The following GABRG1 variants were observed in gnomAD, a reference collection of about 807,000 sequenced individuals.
The protein encoded by GABRG1 is gamma-aminobutyric acid receptor subunit gamma-1.
A neutral mutation model predicts 49.8 loss-of-function variants in GABRG1; 49 were observed. The observed-to-expected ratio is 0.98, with a 90% confidence interval of 0.78 to 1.25. The LOEUF is 1.25. GABRG1 is among the 50% of genes most tolerant of loss of function. The probability of loss-of-function intolerance (pLI) is 0.00; values close to 1 mark genes in which losing one functional copy is unlikely to be tolerated. For synonymous variants in GABRG1, 232 were observed against 185.1 expected (o/e 1.25, Z -2.06); for missense variants, 552 against 552.3 (o/e 1.00, Z 0.01).
Position 46,056,132 on chromosome 4 carries a change from A to T in GABRG1, c.916+2085T>A, listed in dbSNP as rs1221361713. Among the ~76,000 whole-genome samples, 4 of 30,394 alleles carry T rather than the reference A, an allele frequency of 1.3e-4. 2 individuals are homozygous for T. The highest frequency in any genetic ancestry group is 2.3e-4 in the Non-Finnish European group (4 of 17,512). 19.9% of individuals were successfully genotyped at this position (30,394 alleles called of 152,430 possible). A position where few individuals can be genotyped will look rare whatever the true frequency, so the allele number is the denominator to read the frequency against. ...AAAAAAAAAAAAGAAAGGAAAAAAAAAAAAATAAATAAATAAATTAAAAAA... is the reference window on the plus strand; with the variant it reads ...AAAAAAAAAAAAGAAAGGAAAAAAATAAAAATAAATAAATAAATTAAAAAA... On this transcript the variant is annotated intron_variant, in intron 7 of 8. Transcript: ENST00000295452.
chr4:46,067,687 A>G (rs1245750230), intron 3 of GABRG1, among the ~76,000 whole-genome samples: 1 of 152,140 alleles, frequency 6.6e-6, no homozygotes, highest in Non-Finnish European at 1.5e-5. Context: ...GTACTTTTGC[A>G]ACCATGTAAG....
chr4:46,071,429 T>C (rs1719117399), intron 3 of GABRG1, among the ~76,000 whole-genome samples: 1 of 148,670 alleles, frequency 6.7e-6, no homozygotes, highest in Non-Finnish European at 1.5e-5. Context: ...ACATATGTTA[T>C]ATATATAATA....
At chr4:46,106,297 C>A (rs1318359883) in intron 1 of GABRG1, among the ~76,000 whole-genome samples, 1 of 151,318 alleles carries the variant, frequency 6.6e-6, no homozygotes, top group Admixed American at 6.6e-5. Flanking sequence ...CTGCCCCATC[C>A]CCAGCTTTCC....
rs1005752345 is a variant in GABRG1, at chr4:46,051,605, C to T, written c.950G>A (p.Ser317Asn). 1 of 1,610,588 alleles carries T rather than the reference C, an allele frequency of 6.2e-7. No individual in the cohort carries two copies. Among genetic ancestry groups the T allele is most frequent in the Admixed American group, 1.7e-5 (1 of 59,724 alleles). Reference sequence around the variant, plus strand: ...AGGTAAAGACTTCCTGGCAATTGTACTCAGGGTTGTCATAGTCAGAACTGT... The same window carrying T: ...AGGTAAAGACTTCCTGGCAATTGTATTCAGGGTTGTCATAGTCAGAACTGT... Reference protein sequence around the residue: ...ITTVLTMTTLSTIARKSLPKV... With the variant: ...ITTVLTMTTLNTIARKSLPKV... Residue 317 changes from serine (S) to asparagine (N), a missense_variant, in exon 8 of 9, where the codon AGT (serine) becomes AAT (asparagine). Ser to Asn is a conservative substitution (Grantham distance 46). Transcript: ENST00000295452.
chr4:46,050,081 T>C (rs1718157761), intron 8 of GABRG1, among the ~76,000 whole-genome samples: 1 of 151,876 alleles, frequency 6.6e-6, no homozygotes, highest in Non-Finnish European at 1.5e-5. Context: ...ATGGCTTTGA[T>C]GAAAGGAAAA....
At position 46,124,020 on chromosome 4, in the gene GABRG1, G is replaced by C. The variant is rs1721178249; in HGVS notation, c.-107C>G. ...GAGTACAGAAGGGAGAGTGTGGAAA[G>C]GCAGTGCACCTCCCAAACAGGTAGG... On this transcript the variant is annotated 5_prime_UTR_variant, in exon 1 of 9. Transcript: ENST00000295452. The C allele has an allele frequency of 1.3e-6, 1 of 784,636 alleles. No individual in the cohort carries two copies. The highest frequency in any genetic ancestry group is 1.7e-5 in the African/African-American group (1 of 58,284). The allele number at this position is 784,636 out of a possible 1,614,324, so 48.6% of individuals were successfully genotyped here.
chr4:46,045,721 A>C (rs1717969115), intron 8 of GABRG1, among the ~76,000 whole-genome samples: 2 of 151,704 alleles, frequency 1.3e-5, no homozygotes, highest in Non-Finnish European at 2.9e-5. Flanking sequence ...AAAATTAACC[A>C]AGTGCCTGAC....
chr4:46,097,198 T>C lies in GABRG1; in HGVS notation c.253+3A>G. 6.3e-7 allele frequency: 1 copy of C among 1,599,254 alleles called. No individual in the cohort carries two copies. The highest frequency in any genetic ancestry group is 1.1e-5 in the South Asian group (1 of 88,920). ...AAATCCCAGAATGGTAACTCAAGCT[T>C]ACCTCCTATATCTGGACGAAGTTTA... is the stretch of plus-strand genomic sequence containing the variant. On this transcript the variant is annotated splice_donor_region_variant and intron_variant, in intron 2 of 8. Transcript: ENST00000295452.
chr4:46,090,640 C>T (rs967241503), intron 2 of GABRG1, among the ~76,000 whole-genome samples: 4 of 151,846 alleles, frequency 2.6e-5, no homozygotes, highest in Non-Finnish European at 5.9e-5. Flanking sequence ...AAATATCCAA[C>T]CCAATAAAGA....
rs764771110 is a variant in GABRG1 at position 46,051,424 on chromosome 4, C to G, written c.1131G>C (p.Ser377=). 1 of 1,595,378 alleles carries G rather than the reference C, an allele frequency of 6.3e-7. No individual in the cohort carries two copies. The highest frequency in any genetic ancestry group is 1.7e-5 in the Admixed American group (1 of 57,600). ...ATAGAAATTTTTCTTTTTAACATAC[C>G]GAGGCTTTATTTTTTAGCTTTCTGT... ...TKDRKLKNKA[S]MTPGLHPGST... Residue 377 remains serine (S), a splice_region_variant and synonymous_variant, in exon 8 of 9, where the codon TCG becomes TCC. Transcript: ENST00000295452.
At chr4:46,117,854 AT>A (rs1487227655) in intron 1 of GABRG1, among the ~76,000 whole-genome samples, 2 of 75,312 alleles carry the variant, frequency 2.7e-5, no homozygotes, top group Non-Finnish European at 4.5e-5. Flanking sequence ...ATGTGTATCT[AT>A]ATACATATAT....
At chr4:46,055,851 G>T (rs1718400561) in intron 7 of GABRG1, among the ~76,000 whole-genome samples, 1 of 6,658 alleles carries the variant, frequency 1.5e-4, no homozygotes, top group East Asian at 2.3e-3. Flanking sequence ...ACTATCGCAA[G>T]AACAAAAAAC....
intron 2 of GABRG1, among the ~76,000 whole-genome samples, chr4:46,088,602 GCATCTGGAAGCTT>G (rs1207910870): frequency 6.6e-6 from 1 of 151,894 alleles, no homozygotes; most frequent in African/African-American, 2.4e-5. Context: ...ATAAATGCAA[GCATCTGGAAGCTT>G]CATAATTTCT....
intron 8 of GABRG1, among the ~76,000 whole-genome samples, chr4:46,048,603 G>A (rs998831623): frequency 2.7e-5 from 4 of 148,016 alleles, no homozygotes; most frequent in African/African-American, 1.0e-4. Context: ...AGGAAGGAAG[G>A]AAGGAAGGAG....
At position 46,038,624 on chromosome 4, in the gene GABRG1, C is replaced by T. The variant is rs543402592; in HGVS notation, c.*2364G>A. The T allele has an allele frequency of 9.2e-5, 14 of 151,546 alleles. No homozygotes were observed. The highest frequency in any genetic ancestry group is 3.4e-4 in the African/African-American group (14 of 41,492). 9.4% of individuals were successfully genotyped at this position (151,546 alleles called of 1,614,324 possible). A position where few individuals can be genotyped will look rare whatever the true frequency, so the allele number is the denominator to read the frequency against. ...TAGAGGAACAGGAAATGAACTGAATCAGCTTTGAAAAAAAGCTGTATTTGA... is the reference window on the plus strand; with the variant it reads ...TAGAGGAACAGGAAATGAACTGAATTAGCTTTGAAAAAAAGCTGTATTTGA... On this transcript the variant is annotated 3_prime_UTR_variant, in exon 9 of 9. Coordinates refer to ENST00000295452, the MANE Select transcript of GABRG1 (RefSeq NM_173536.4).
chr4:46,051,598 A>G lies in GABRG1; in HGVS notation c.957T>C (p.Ile319=). The change falls in exon 8 of 9, where the codon ATT becomes ATC. Residue 319 remains isoleucine (I), a synonymous_variant. Coordinates refer to ENST00000295452, the MANE Select transcript of GABRG1 (RefSeq NM_173536.4). Reference sequence around the variant, plus strand: ...AAACCTTAGGTAAAGACTTCCTGGCAATTGTACTCAGGGTTGTCATAGTCA... The same window carrying G: ...AAACCTTAGGTAAAGACTTCCTGGCGATTGTACTCAGGGTTGTCATAGTCA... ...TVLTMTTLST[I]ARKSLPKVSY... is the part of the protein sequence containing the mutation. 1 of 1,611,146 alleles carries G rather than the reference A, an allele frequency of 6.2e-7. No homozygotes were observed. Among genetic ancestry groups the G allele is most frequent in the Non-Finnish European group, 8.5e-7 (1 of 1,178,060 alleles).
intron 1 of GABRG1, among the ~76,000 whole-genome samples, chr4:46,113,557 A>G (rs969144307): frequency 1.3e-5 from 2 of 151,188 alleles, no homozygotes; most frequent in Admixed American, 6.6e-5. Flanking sequence ...ATTTAATTAT[A>G]AAATCCTATA....
chr4:46,046,286 G>A (rs554560002), intron 8 of GABRG1, among the ~76,000 whole-genome samples: 17 of 152,142 alleles, frequency 1.1e-4, no homozygotes, highest in Non-Finnish European at 2.2e-4. Context: ...ATTAAGCAGT[G>A]TTCTTTGGTA....
intron 3 of GABRG1, among the ~76,000 whole-genome samples, chr4:46,065,913 G>A (rs147309302): frequency 0.012 from 1,823 of 152,034 alleles, 35 homozygotes; most frequent in African/African-American, 0.042. Context: ...TAGTAGAGAG[G>A]GGGTTTCACC....
Sources: allele counts gnomAD v4.1 joint callset (sites outside exome capture counted in the v4.1 genomes callset), GRCh38; gene constraint gnomAD v4.1.1; transcripts MANE v1.5; gene names NCBI Gene and HGNC (gene_info 2026-07-23, HGNC 2026-07-21).